CALN1: variants seen among roughly 807,000 people sequenced by gnomAD.
CALN1 encodes calcium-binding protein 8.
Under a neutral mutation model 30.6 loss-of-function variants are expected in CALN1, and 17 were observed. The ratio of observed to expected loss-of-function variants is 0.56; its 90% CI spans 0.38 to 0.83. The LOEUF is 0.83. Among genes scored for constraint, CALN1 ranks in the 40% least tolerant of loss-of-function variants. The pLI is 0.00. For missense variants in CALN1, 291 were observed against 354.9 expected (o/e 0.82, Z 1.45); for synonymous variants, 156 against 131.4 (o/e 1.19, Z -1.28).
At chr7:72,014,909 G>A (rs1205493309) in intron 5 of CALN1, among the ~76,000 whole-genome samples, 2 of 151,538 alleles carry the variant, frequency 1.3e-5, no homozygotes, top group East Asian at 1.9e-4. Context: ...GCGATCCTCC[G>A]CCTCAGCCTC....
At chr7:71,847,827 AGG>A (rs1790397635) in intron 5 of CALN1, among the ~76,000 whole-genome samples, 1 of 102,182 alleles carries the variant, frequency 9.8e-6, no homozygotes, top group Non-Finnish European at 1.8e-5. Context: ...GAGAAGGAGA[AGG>A]AGAAGGAGAA....
chr7:71,819,096 CCTACCACTT>C (rs1417627947), intron 5 of CALN1, among the ~76,000 whole-genome samples: 1 of 152,176 alleles, frequency 6.6e-6, no homozygotes, highest in African/African-American at 2.4e-5. Flanking sequence ...CTCAAGCAGT[CCTACCACTT>C]CAGCCTCCTG....
chr7:71,927,503 C>T (rs1318462136), intron 5 of CALN1, among the ~76,000 whole-genome samples: 2 of 152,192 alleles, frequency 1.3e-5, no homozygotes, highest in South Asian at 2.1e-4. Flanking sequence ...AGCCACTGTG[C>T]CCAGCCTCAA....
At position 72,115,766 on chromosome 7, in the gene CALN1, G is replaced by A. The variant is rs144371819; in HGVS notation, c.245-9472C>T. ...CTCCCAAAGTGCTAGGATTACAGGC[G>A]TGAGTCACCGTGCCCGGCCATATAC... On this transcript the variant is annotated intron_variant, in intron 3 of 6. Transcript: ENST00000395275. 2.8e-3 allele frequency among the ~76,000 whole-genome samples: 423 copies of A among 151,974 alleles called. 1 individual carries two copies. Among genetic ancestry groups the A allele is most frequent in the Non-Finnish European group, 4.5e-3 (306 of 67,980 alleles).
intron 3 of CALN1, among the ~76,000 whole-genome samples, chr7:72,158,906 C>A (rs1366772953): frequency 6.6e-6 from 1 of 151,996 alleles, no homozygotes; most frequent in Non-Finnish European, 1.5e-5. Context: ...CGCCCAGATC[C>A]GAGTACAGTG....
chr7:72,242,613 C>T (rs572910223), intron 3 of CALN1, among the ~76,000 whole-genome samples: 9 of 152,126 alleles, frequency 5.9e-5, no homozygotes, highest in Non-Finnish European at 1.0e-4. Context: ...TAAGGCCAGG[C>T]GCAGTGGCTC....
upstream of CALN1, among the ~76,000 whole-genome samples, chr7:72,451,374 AAAG>A (rs1312550567): frequency 3.2e-5 from 4 of 125,876 alleles, no homozygotes; most frequent in African/African-American, 1.2e-4. Flanking sequence ...AAAAAATAAG[AAAG>A]AAGAAGGAGG....
chr7:72,375,935 A>G (rs893781644), intron 2 of CALN1, among the ~76,000 whole-genome samples: 5 of 151,992 alleles, frequency 3.3e-5, no homozygotes, highest in Non-Finnish European at 7.4e-5. Context: ...CCCCATCCCA[A>G]ACACTTATCT....
At chr7:72,006,376 T>C (rs552804379) in intron 5 of CALN1, among the ~76,000 whole-genome samples, 1 of 152,190 alleles carries the variant, frequency 6.6e-6, no homozygotes, top group East Asian at 1.9e-4. Context: ...AAACAATCAA[T>C]AGAGCAAAAG....
intron 4 of CALN1, among the ~76,000 whole-genome samples, chr7:72,089,699 C>G (rs992160899): frequency 6.6e-6 from 1 of 152,040 alleles, no homozygotes; most frequent in African/African-American, 2.4e-5. Flanking sequence ...CAACAGGACT[C>G]AAAAGCATTT....
In CALN1 at chr7:72,334,375, C is replaced by G. The variant is rs151117485; in HGVS notation, c.120-55565G>C. Among the ~76,000 whole-genome samples, 426 of 152,294 alleles carry G rather than the reference C, an allele frequency of 2.8e-3. 3 individuals are homozygous for G. The highest frequency in any genetic ancestry group is 8.7e-3 in the African/African-American group (363 of 41,558). On this transcript the variant is annotated intron_variant, in intron 2 of 6. Transcript: ENST00000395275. ...ACAGATATCCCACCCTGGCTGGTGA[C>G]CCTCAAGAGACCAGTTTCTATGAAA...
intron 1 of CALN1, among the ~76,000 whole-genome samples, chr7:72,441,718 C>T (rs879368206): frequency 3.3e-5 from 5 of 151,916 alleles, no homozygotes; most frequent in Non-Finnish European, 7.4e-5. Flanking sequence ...GAAGGAAGCA[C>T]CTCCCTCCCA....
chr7:72,049,927 A>G (rs1802730033), intron 4 of CALN1, among the ~76,000 whole-genome samples: 1 of 150,340 alleles, frequency 6.7e-6, no homozygotes, highest in South Asian at 2.1e-4. Context: ...CTCCTGCCTC[A>G]GGCTCGTGAG....
intron 3 of CALN1, among the ~76,000 whole-genome samples, chr7:72,153,743 G>A (rs1787445917): frequency 6.6e-6 from 1 of 152,090 alleles, no homozygotes; most frequent in Non-Finnish European, 1.5e-5. Flanking sequence ...CTGAGTAAGG[G>A]GAGGTCTGTA....
intron 5 of CALN1, among the ~76,000 whole-genome samples, chr7:71,947,999 T>G: frequency 6.6e-6 from 1 of 151,820 alleles, no homozygotes; most frequent in Non-Finnish European, 1.5e-5. Flanking sequence ...GGCAGGTATG[T>G]AGGAAGATCC....
intron 3 of CALN1, among the ~76,000 whole-genome samples, chr7:72,244,781 T>C (rs112267974): frequency 2.6e-5 from 4 of 152,092 alleles, no homozygotes; most frequent in African/African-American, 7.2e-5. Context: ...GCACTACCAA[T>C]GGATAGAAAG....
chr7:71,829,969 T>TTGTC (rs534466624), intron 5 of CALN1, among the ~76,000 whole-genome samples: 13 of 152,002 alleles, frequency 8.6e-5, no homozygotes, highest in African/African-American at 2.4e-5. Flanking sequence ...GAAGAAGCCA[T>TTGTC]TGTCTGTCTG....
intron 2 of CALN1, among the ~76,000 whole-genome samples, chr7:72,397,310 TA>T (rs992313546): frequency 2.0e-5 from 3 of 152,138 alleles, no homozygotes; most frequent in African/African-American, 7.2e-5. Flanking sequence ...GGTTGCAGTG[TA>T]AGCACCCAGA....
rs982649225 is a variant in CALN1 at position 72,359,791 on chromosome 7, C to T, written c.119+43460G>A. On this transcript the variant is annotated intron_variant, in intron 2 of 6. Coordinates refer to ENST00000395275, the MANE Select transcript of CALN1 (RefSeq NM_031468.4). ...GAGTTCAAGACCATCCTGCTGAACA[C>T]GGTGAATCCCCGTCTCTACTAAAAA... Among the ~76,000 whole-genome samples the T allele has an allele frequency of 5.2e-4, 79 of 151,728 alleles. 1 individual carries two copies. Among genetic ancestry groups the T allele is most frequent in the African/African-American group, 1.8e-3 (75 of 41,376 alleles).
Sources: allele counts gnomAD v4.1 joint callset (sites outside exome capture counted in the v4.1 genomes callset), GRCh38; gene constraint gnomAD v4.1.1; transcripts MANE v1.5; gene names NCBI Gene and HGNC (gene_info 2026-07-23, HGNC 2026-07-21).